CPVL: variants seen among roughly 807,000 people sequenced by gnomAD.
The protein encoded by CPVL is carboxypeptidase vitellogenic like, also known as probable serine carboxypeptidase CPVL.
In CPVL, 51 loss-of-function variants were observed where a neutral mutation model predicts 63.7. The ratio of observed to expected loss-of-function variants is 0.80; its 90% CI spans 0.64 to 1.01. The LOEUF is 1.01. Ranked by LOEUF, CPVL falls within the 50% of genes least tolerant of loss-of-function variation. CPVL has a pLI of 0.00. For missense variants in CPVL, 530 were observed against 573.1 expected (o/e 0.92, Z 0.77); for synonymous variants, 195 against 206.0 (o/e 0.95, Z 0.46).
intron 1 of CPVL, among the ~76,000 whole-genome samples, chr7:29,189,838 C>T (rs1782664876): frequency 1.3e-5 from 2 of 152,186 alleles, no homozygotes; most frequent in Admixed American, 6.5e-5. Context: ...AGCCCCCCTG[C>T]AGCTCAGTGA....
intron 1 of CPVL, among the ~76,000 whole-genome samples, chr7:29,141,036 A>G (rs1054826074): frequency 6.6e-6 from 1 of 152,204 alleles, no homozygotes; most frequent in Non-Finnish European, 1.5e-5. Flanking sequence ...GAGTTCAAGA[A>G]GTTGGGTGAA....
intron 7 of CPVL, among the ~76,000 whole-genome samples, chr7:29,077,164 C>A (rs1483956785): frequency 1.3e-5 from 2 of 152,198 alleles, no homozygotes; most frequent in Non-Finnish European, 2.9e-5. Context: ...CAATCAGCTC[C>A]TCCAGAGGAA....
chr7:29,156,819 A>C (rs1000647345), intron 5 of CPVL, among the ~76,000 whole-genome samples: 1 of 27,014 alleles, frequency 3.7e-5, no homozygotes, highest in African/African-American at 4.2e-4. Flanking sequence ...TCTTTATCAA[A>C]ACTGACAGTG....
At chr7:29,114,680 C>G (rs1051016561) in intron 2 of CPVL, among the ~76,000 whole-genome samples, 1 of 152,038 alleles carries the variant, frequency 6.6e-6, no homozygotes, top group African/African-American at 2.4e-5. Context: ...AACCTCTCAT[C>G]TAGACCACAC....
intron 12 of CPVL, among the ~76,000 whole-genome samples, chr7:29,027,854 T>A (rs1295910985): frequency 6.6e-6 from 1 of 152,164 alleles, no homozygotes; most frequent in African/African-American, 2.4e-5. Context: ...GGAAGACATC[T>A]CATGCTCATG....
At chr7:29,145,425 C>G (rs539531611) in intron 1 of CPVL, among the ~76,000 whole-genome samples, 3 of 151,998 alleles carry the variant, frequency 2.0e-5, no homozygotes, top group South Asian at 4.2e-4. Flanking sequence ...AGGAATTGCA[C>G]AGAATTGTCC....
rs549992891 is a variant in CPVL, at chr7:29,194,605, G to A, written c.-448+472C>T. The A allele has an allele frequency of 2.4e-4, 63 of 257,704 alleles. No homozygotes were observed. In the South Asian group the frequency reaches 7.4e-3, roughly 30 times the overall value. 16.0% of individuals were successfully genotyped at this position (257,704 alleles called of 1,614,324 possible). A position where few individuals can be genotyped will look rare whatever the true frequency, so the allele number is the denominator to read the frequency against. ...ACGCCCTGGTCCCAGCCGCGCACAG[G>A]GGAGCGTGGACGGCAGAGGGGCTCG... On this transcript the variant is annotated intron_variant, in intron 1 of 16. Transcript: ENST00000409850.
At chr7:29,139,600 T>C (rs750267675) in intron 1 of CPVL, among the ~76,000 whole-genome samples, 6 of 152,256 alleles carry the variant, frequency 3.9e-5, no homozygotes, top group Admixed American at 6.5e-5. Flanking sequence ...TTAAAAATCC[T>C]ATTAAAATTC....
At chr7:29,032,794 C>T (rs1445715951) in intron 11 of CPVL, among the ~76,000 whole-genome samples, 2 of 152,214 alleles carry the variant, frequency 1.3e-5, no homozygotes, top group Non-Finnish European at 2.9e-5. Flanking sequence ...TACTGACAAT[C>T]ATTACTATAT....
At chr7:29,042,688 A>G (rs1488233095) in intron 11 of CPVL, among the ~76,000 whole-genome samples, 1 of 152,170 alleles carries the variant, frequency 6.6e-6, no homozygotes, top group Non-Finnish European at 1.5e-5. Flanking sequence ...TTATGAAGAA[A>G]GGGAAAAAAT....
At chr7:29,004,087 GATAT>G (rs774380738) in intron 12 of CPVL, among the ~76,000 whole-genome samples, 3 of 152,118 alleles carry the variant, frequency 2.0e-5, no homozygotes, top group Non-Finnish European at 4.4e-5. Context: ...CTTAAATCAG[GATAT>G]ATGTCATAAT....
At chr7:28,998,397 C>G (rs562632424) in intron 12 of CPVL, among the ~76,000 whole-genome samples, 1 of 152,232 alleles carries the variant, frequency 6.6e-6, no homozygotes, top group Non-Finnish European at 1.5e-5. Context: ...CAGTGCTTCA[C>G]AGCCTGGGCT....
intron 12 of CPVL, chr7:29,011,322 C>G (rs1785808387): frequency 6.6e-6 from 1 of 152,384 alleles, no homozygotes; most frequent in African/African-American, 2.4e-5. Context: ...GCCGATAATC[C>G]TAGGACTTTG....
At chr7:29,116,363 T>C (rs1417153141) in intron 2 of CPVL, among the ~76,000 whole-genome samples, 1 of 152,228 alleles carries the variant, frequency 6.6e-6, no homozygotes, top group Non-Finnish European at 1.5e-5. Flanking sequence ...TTTTCAAATG[T>C]CCTGTGCATC....
At chr7:29,195,027 G>A in intron 1 of CPVL, 3 of 1,576,640 alleles carry the variant, frequency 1.9e-6, no homozygotes, top group Non-Finnish European at 2.6e-6. Flanking sequence ...TGCCGCGCCG[G>A]GTCTCGCCCC....
At chr7:29,135,841 G>A (rs1269091188) in intron 1 of CPVL, among the ~76,000 whole-genome samples, 1 of 152,126 alleles carries the variant, frequency 6.6e-6, no homozygotes, top group African/African-American at 2.4e-5. Context: ...TGCTATTACA[G>A]ATGTGAGCTA....
chr7:29,179,607 T>G (rs1797809517), intron 5 of CPVL, among the ~76,000 whole-genome samples: 1 of 152,220 alleles, frequency 6.6e-6, no homozygotes, highest in South Asian at 2.1e-4. Flanking sequence ...TTGCTATATA[T>G]CCTTTGCCAA....
intron 3 of CPVL, chr7:29,185,372 C>A (rs1798584667): frequency 6.6e-6 from 1 of 152,168 alleles, no homozygotes; most frequent in Non-Finnish European, 1.5e-5. Flanking sequence ...GAGAAAATGT[C>A]ATGCTAATGT....
chr7:29,120,818 CAAAAAAA>C (rs375039373), intron 2 of CPVL, 68 bp downstream of exon 2: 80 of 990,188 alleles, frequency 8.1e-5, no homozygotes, highest in South Asian at 1.5e-4. Context: ...GACTTCGTCT[CAAAAAAA>C]AAAAAAAAAA....
Sources: allele counts gnomAD v4.1 joint callset (sites outside exome capture counted in the v4.1 genomes callset), GRCh38; gene constraint gnomAD v4.1.1; transcripts MANE v1.5; gene names NCBI Gene and HGNC (gene_info 2026-07-23, HGNC 2026-07-21).